The following DSCAM variants were observed in gnomAD, a reference collection of about 807,000 sequenced individuals.
DSCAM encodes DS cell adhesion molecule.
Under a neutral mutation model 217.7 loss-of-function variants are expected in DSCAM, and 47 were observed. The observed-to-expected ratio is 0.22, with a 90% confidence interval of 0.17 to 0.28. DSCAM has a LOEUF of 0.28. Among genes scored for constraint, DSCAM ranks in the 10% least tolerant of loss-of-function variants. The probability of loss-of-function intolerance (pLI) is 1.00; values close to 1 mark genes in which losing one functional copy is unlikely to be tolerated. For synonymous variants in DSCAM, 1,056 were observed against 1,015.3 expected (o/e 1.04, Z -0.76); for missense variants, 2,080 against 2,618.3 (o/e 0.79, Z 4.49).
chr21:40,573,195 G>A (rs374522203), intron 3 of DSCAM, among the ~76,000 whole-genome samples: 3 of 152,056 alleles, frequency 2.0e-5, no homozygotes, highest in African/African-American at 2.4e-5. Flanking sequence ...AAAATTAGCC[G>A]GGCGCGGTGG....
chr21:40,496,911 C>T (rs1240716138), intron 3 of DSCAM, among the ~76,000 whole-genome samples: 1 of 152,102 alleles, frequency 6.6e-6, no homozygotes, highest in East Asian at 1.9e-4. Context: ...CATTAATCAT[C>T]AGCAAAATGG....
chr21:40,422,796 T>G (rs571408480), intron 3 of DSCAM, among the ~76,000 whole-genome samples: 1 of 152,302 alleles, frequency 6.6e-6, no homozygotes, highest in South Asian at 2.1e-4. Flanking sequence ...TGCTGCAGGT[T>G]TTTCCAAGAA....
chr21:40,445,810 G>T (rs530038223), intron 3 of DSCAM, among the ~76,000 whole-genome samples: 9 of 152,296 alleles, frequency 5.9e-5, no homozygotes, highest in Middle Eastern at 3.4e-3. Context: ...AAACATGCTT[G>T]ATGTTTTTTG....
chr21:40,546,690 A>C (rs2076585669), intron 3 of DSCAM, among the ~76,000 whole-genome samples: 1 of 152,256 alleles, frequency 6.6e-6, no homozygotes, highest in Admixed American at 6.5e-5. Flanking sequence ...CATTTAAAAA[A>C]ATAAAATACA....
chr21:40,190,438 C>T (rs375831249), intron 11 of DSCAM, among the ~76,000 whole-genome samples: 1 of 152,068 alleles, frequency 6.6e-6, no homozygotes, highest in South Asian at 2.1e-4. Flanking sequence ...AAATATGAGA[C>T]CTCCAAAGCC....
At chr21:40,521,461 G>A (rs1445855656) in intron 3 of DSCAM, among the ~76,000 whole-genome samples, 2 of 152,288 alleles carry the variant, frequency 1.3e-5, no homozygotes, top group East Asian at 3.9e-4. Flanking sequence ...TCTAACTGAA[G>A]TGAGGTGATA....
At chr21:40,363,689 T>G (rs1276527550) in intron 4 of DSCAM, among the ~76,000 whole-genome samples, 1 of 152,074 alleles carries the variant, frequency 6.6e-6, no homozygotes, top group Non-Finnish European at 1.5e-5. Context: ...GGGATCTAAT[T>G]AAACTAAAGA....
chr21:40,280,731 C>T (rs752474498), intron 10 of DSCAM, among the ~76,000 whole-genome samples: 8 of 152,136 alleles, frequency 5.3e-5, no homozygotes, highest in Non-Finnish European at 1.0e-4. Flanking sequence ...TGCAAATGGA[C>T]TTTATTAATT....
intron 1 of DSCAM, among the ~76,000 whole-genome samples, chr21:40,710,617 C>A (rs1204912818): frequency 1.3e-5 from 2 of 152,104 alleles, no homozygotes; most frequent in Non-Finnish European, 2.9e-5. Context: ...TAAATATCAT[C>A]AAATGTGTTC....
intron 3 of DSCAM, among the ~76,000 whole-genome samples, chr21:40,601,538 C>T (rs2077061916): frequency 1.3e-5 from 2 of 152,104 alleles, no homozygotes; most frequent in Non-Finnish European, 2.9e-5. Context: ...CTCAGACTTC[C>T]AGCACAATGT....
intron 32 of DSCAM, among the ~76,000 whole-genome samples, chr21:40,027,033 T>C (rs1283291494): frequency 1.3e-5 from 2 of 152,312 alleles, no homozygotes; most frequent in African/African-American, 2.4e-5. Context: ...CCTTTCCATG[T>C]TTAGTGCTTC....
rs1568889869 is a variant in DSCAM at position 40,017,699 on chromosome 21, G to GCC, written c.5687-4314_5687-4313insGG. 1.1e-4 allele frequency among the ~76,000 whole-genome samples: 16 copies of GCC among 152,076 alleles called. No individual in the cohort carries two copies. The East Asian group carries it at 1.9e-3, about 18-fold the overall frequency. ...CCTGAGTAGCTGGGATTACAGGCATGCACCACCACGCCTGGCTAATTTTTG... is the reference window on the plus strand; with the variant it reads ...CCTGAGTAGCTGGGATTACAGGCATGCCCACCACCACGCCTGGCTAATTTTTG... On this transcript the variant is annotated intron_variant, in intron 32 of 32. Coordinates refer to ENST00000400454, the MANE Select transcript of DSCAM (RefSeq NM_001389.5).
chr21:40,257,577 C>T (rs2073391477), intron 11 of DSCAM, among the ~76,000 whole-genome samples: 1 of 152,004 alleles, frequency 6.6e-6, no homozygotes, highest in Non-Finnish European at 1.5e-5. Context: ...TAGCCTTTTA[C>T]AGTGATTACC....
chr21:40,065,959 A>C (rs2089200532), intron 27 of DSCAM, among the ~76,000 whole-genome samples: 1 of 151,764 alleles, frequency 6.6e-6, no homozygotes, highest in Non-Finnish European at 1.5e-5. Context: ...GTAACCTCCA[A>C]CCTCTCTCTG....
intron 11 of DSCAM, among the ~76,000 whole-genome samples, chr21:40,235,753 G>A (rs890371803): frequency 3.0e-4 from 46 of 151,614 alleles, no homozygotes; most frequent in African/African-American, 1.1e-3. Flanking sequence ...TGCATCACCA[G>A]GCTTGCATTC....
chr21:40,330,161 ATAT>A (rs2074361094), intron 8 of DSCAM, among the ~76,000 whole-genome samples: 3 of 150,960 alleles, frequency 2.0e-5, no homozygotes, highest in Admixed American at 2.0e-4. Flanking sequence ...ATGTAAATAC[ATAT>A]TATTTTATTT....
At chr21:40,602,628 A>G (rs2077071231) in intron 3 of DSCAM, among the ~76,000 whole-genome samples, 1 of 152,102 alleles carries the variant, frequency 6.6e-6, no homozygotes, top group Non-Finnish European at 1.5e-5. Context: ...TCATAACCCT[A>G]TTATCCCTTT....
chr21:40,336,406 A>C (rs2074430574), intron 8 of DSCAM, among the ~76,000 whole-genome samples: 1 of 152,220 alleles, frequency 6.6e-6, no homozygotes, highest in Non-Finnish European at 1.5e-5. Context: ...CATCAGCATG[A>C]ACTTGACAGT....
chr21:40,282,972 C>A (rs544094489), intron 10 of DSCAM, among the ~76,000 whole-genome samples: 1 of 152,138 alleles, frequency 6.6e-6, no homozygotes, highest in African/African-American at 2.4e-5. Context: ...TAAATCTTTT[C>A]TTCATCAGAA....
Sources: gnomAD v4.1 joint callset for allele counts (sites outside exome capture counted in the v4.1 genomes callset) on GRCh38, gnomAD v4.1.1 for gene constraint, MANE v1.5 for transcripts, NCBI Gene and HGNC (gene_info 2026-07-23, HGNC 2026-07-21) for gene names.